CDC42BPG: variants seen among roughly 807,000 people sequenced by gnomAD.
CDC42BPG encodes serine/threonine-protein kinase MRCK gamma.
Under a neutral mutation model 192.2 loss-of-function variants are expected in CDC42BPG, and 157 were observed. That is an observed-to-expected ratio of 0.82 (90% CI 0.72 to 0.93). The LOEUF (loss-of-function observed/expected upper bound fraction) is 0.93. CDC42BPG is among the 40% of genes least tolerant of loss of function. The pLI is 0.00. For missense variants in CDC42BPG, 1,992 were observed against 2,122.1 expected (o/e 0.94, Z 1.20); for synonymous variants, 981 against 918.5 (o/e 1.07, Z -1.23).
chr11:64,844,653 T>C lies in CDC42BPG; in HGVS notation c.-84A>G. On this transcript the variant is annotated 5_prime_UTR_variant, in exon 1 of 37. Transcript: ENST00000342711. ...CGGGCCGTCCGTCCGCCCAACCGTC[T>C]GAGGCTCTGTCCGCGCGTCCTCCCC... is the stretch of plus-strand genomic sequence containing the variant. The C allele has an allele frequency of 9.1e-7, 1 of 1,104,042 alleles. No individual in the cohort carries two copies. Among genetic ancestry groups the C allele is most frequent in the East Asian group, 3.5e-5 (1 of 28,848 alleles). The allele number at this position is 1,104,042 out of a possible 1,614,324, so 68.4% of individuals were successfully genotyped here. A position where few individuals can be genotyped will look rare whatever the true frequency, so the allele number is the denominator to read the frequency against.
chr11:64,826,448 C>T (rs759753129), intron 36 of CDC42BPG, 22 bp downstream of exon 36: 3 of 1,553,490 alleles, frequency 1.9e-6, no homozygotes, highest in Non-Finnish European at 2.6e-6. Flanking sequence ...AGGGGACGGA[C>T]AAGCCTCCCG....
intron 5 of CDC42BPG, 44 bp from the exon 6 acceptor site, chr11:64,839,615 G>T (rs539504264): frequency 1.3e-6 from 2 of 1,540,988 alleles, no homozygotes; most frequent in African/African-American, 1.4e-5. Context: ...TGACCTGTGT[G>T]TAAGTGGCCA....
Position 64,839,022 on chromosome 11 carries a change from G to T in CDC42BPG, c.876+11C>A, listed in dbSNP as rs752547452. ...TGCCCCCTCTGGAAGCCCAGAGCCT[G>T]GTGTCCAGACCTCGTGGTTCATGAT... On this transcript the variant is annotated intron_variant, in intron 7 of 36. Transcript: ENST00000342711. 1 of 1,613,440 alleles carries T rather than the reference G, an allele frequency of 6.2e-7. No homozygotes were observed. The highest frequency in any genetic ancestry group is 8.5e-7 in the Non-Finnish European group (1 of 1,179,974).
intron 30 of CDC42BPG, among the ~76,000 whole-genome samples, chr11:64,828,444 G>A (rs1355059531): frequency 6.6e-6 from 1 of 152,206 alleles, no homozygotes; most frequent in Non-Finnish European, 1.5e-5. Flanking sequence ...GATGAGAGCC[G>A]TGACACAGGT....
chr11:64,833,343 AG>A lies in CDC42BPG; in HGVS notation c.2626-8del. 2.1e-6 allele frequency: 3 copies of A among 1,420,196 alleles called. No homozygotes were observed. The highest frequency in any genetic ancestry group is 1.3e-5 in the South Asian group (1 of 76,998). 88.0% of individuals were successfully genotyped at this position (1,420,196 alleles called of 1,614,324 possible). On this transcript the variant is annotated splice_region_variant and splice_polypyrimidine_tract_variant and intron_variant, in intron 23 of 36. Coordinates refer to ENST00000342711, the MANE Select transcript of CDC42BPG (RefSeq NM_017525.3). ...GCAGCGTGTGTGAGCCGGGCTGGGG[AG>A]GGGGACAGCCATTACCCAAGGCCTC...
intron 1 of CDC42BPG, among the ~76,000 whole-genome samples, chr11:64,843,936 G>A (rs1273944008): frequency 6.6e-6 from 1 of 152,168 alleles, no homozygotes; most frequent in East Asian, 1.9e-4. Flanking sequence ...GTTTTGCAGT[G>A]CCAATGCGGT....
chr11:64,838,509 G>T, intron 8 of CDC42BPG, 145 bp downstream of exon 8: 1 of 1,155,180 alleles, frequency 8.7e-7, no homozygotes, highest in Non-Finnish European at 1.2e-6. Flanking sequence ...GGCTGGAACG[G>T]GTCAGTCTGG....
rs1942587437 is a variant in CDC42BPG, at chr11:64,829,612, G to C, written c.3826C>G (p.Leu1276Val). ...PEELPPSRGGLGEALGAVELS... is the reference protein window; with the variant it reads ...PEELPPSRGGVGEALGAVELS... ...TCCACGGCACCCAGTGCCTCACCCA[G>C]GCCCCCGCGGGATGGTGGCAGCTCC... The change falls in exon 30 of 37, where the codon CTG becomes GTG. Residue 1276 changes from leucine to valine, a missense_variant. Coordinates refer to ENST00000342711, the MANE Select transcript of CDC42BPG (RefSeq NM_017525.3). 6.2e-7 allele frequency: 1 copy of C among 1,611,702 alleles called. No individual in the cohort carries two copies. Among genetic ancestry groups the C allele is most frequent in the Non-Finnish European group, 8.5e-7 (1 of 1,179,396 alleles).
intron 5 of CDC42BPG, 60 bp downstream of exon 5, chr11:64,840,060 A>C (rs1943208812): frequency 6.6e-7 from 1 of 1,523,750 alleles, no homozygotes; most frequent in Non-Finnish European, 9.0e-7. Flanking sequence ...TCCCCAGCAC[A>C]GCTGGCAGGG....
At position 64,838,815 on chromosome 11, in the gene CDC42BPG, G is replaced by A. The variant is rs1266470723; in HGVS notation, c.964C>T (p.Arg322Trp). The change falls in exon 8 of 37, where the codon CGG (arginine) becomes TGG (tryptophan). Residue 322 changes from arginine (R) to tryptophan (W), a missense_variant. Physicochemically the swap from Arg to Trp is moderately radical, Grantham distance 101 (BLOSUM62 -3). Around this residue, in one of 2 missense-constraint regions of CDC42BPG, gnomAD observed 1,656 missense variants for 1,844.3 expected, o/e 0.90. Transcript: ENST00000342711. ...IRQLLCRQEE[R>W]LGRGGLDDFR... is the part of the protein sequence containing the mutation. ...TCATCCAGCCCACCACGGCCTAGCC[G>A]CTCTTCCTGGCGACACAGCAGCTGG... 6 of 1,612,624 alleles carry A rather than the reference G, an allele frequency of 3.7e-6. No homozygotes were observed. The highest frequency in any genetic ancestry group is 2.2e-5 in the South Asian group (2 of 91,076).
Position 64,827,177 on chromosome 11 carries a change from G to A in CDC42BPG, c.4272-10C>T, listed in dbSNP as rs774221963. 4.3e-6 allele frequency: 7 copies of A among 1,613,640 alleles called. No homozygotes were observed. The South Asian group carries it at 5.5e-5, about 13-fold the overall frequency. On this transcript the variant is annotated splice_polypyrimidine_tract_variant and intron_variant, in intron 33 of 36. Coordinates refer to ENST00000342711, the MANE Select transcript of CDC42BPG (RefSeq NM_017525.3). The stretch of plus-strand genomic sequence containing the variant: ...GTCCTTCAGCATCTCCCTGTGGGCG[G>A]AGGTGTAAGTAGTGGGTGGCGAAGC...
chr11:64,826,962 G>A lies in CDC42BPG; in HGVS notation c.4389+88C>T, dbSNP rs534917236. The A allele has an allele frequency of 1.4e-4, 163 of 1,170,912 alleles. No individual in the cohort carries two copies. The South Asian group carries it at 2.1e-3, about 15-fold the overall frequency. 72.5% of individuals were successfully genotyped at this position (1,170,912 alleles called of 1,614,324 possible). On this transcript the variant is annotated intron_variant, in intron 34 of 36. Transcript: ENST00000342711. ...CCCAGGCCTTAGGAGTAATTACAGC[G>A]GCCCGTGATTGGCTAGAGCTCACCA...
At position 64,833,585 on chromosome 11, in the gene CDC42BPG, C is replaced by T. The variant is rs772265846; in HGVS notation, c.2625+15G>A. 3 of 1,601,780 alleles carry T rather than the reference C, an allele frequency of 1.9e-6. No individual in the cohort carries two copies. The highest frequency in any genetic ancestry group is 2.2e-5 in the South Asian group (2 of 88,992). On this transcript the variant is annotated intron_variant, in intron 23 of 36. Transcript: ENST00000342711. ...GCTTGGTGCCCCCACCCTGCTTGCC[C>T]CTCTGGGCACTGACCTTAGCAGGAA...
Position 64,827,032 on chromosome 11 carries a change from T to C in CDC42BPG, c.4389+18A>G. On this transcript the variant is annotated intron_variant, in intron 34 of 36. Coordinates refer to ENST00000342711, the MANE Select transcript of CDC42BPG (RefSeq NM_017525.3). Reference sequence around the variant, plus strand: ...CAGCCTCACCAAAGTGGCTTGTGATTGGCTCCAGAGGACTAACCGGGGACT... The same window carrying C: ...CAGCCTCACCAAAGTGGCTTGTGATCGGCTCCAGAGGACTAACCGGGGACT... The C allele has an allele frequency of 1.3e-6, 2 of 1,542,740 alleles. No homozygotes were observed. Among genetic ancestry groups the C allele is most frequent in the Non-Finnish European group, 8.9e-7 (1 of 1,117,994 alleles).
At chr11:64,838,531 T>C in intron 8 of CDC42BPG, 123 bp downstream of exon 8, 1 of 1,329,962 alleles carries the variant, frequency 7.5e-7, no homozygotes, top group South Asian at 1.3e-5. Context: ...AGTCCATAAA[T>C]CATAAGCCCC....
intron 6 of CDC42BPG, 31 bp downstream of exon 6, chr11:64,839,437 GCCTTGTATCC>G (rs775079974): frequency 2.6e-5 from 16 of 607,656 alleles, no homozygotes; most frequent in Non-Finnish European, 3.7e-5. Flanking sequence ...AGCTTGGCCC[GCCTTGTATCC>G]CCTGCTCCCA....
chr11:64,831,569 T>C lies in CDC42BPG; in HGVS notation c.3240A>G (p.Thr1080=), dbSNP rs1289675152. The C allele has an allele frequency of 6.2e-7, 1 of 1,612,604 alleles. No individual in the cohort carries two copies. The highest frequency in any genetic ancestry group is 8.5e-7 in the Non-Finnish European group (1 of 1,179,896). Residue 1080 remains threonine (T), a synonymous_variant, in exon 28 of 37, where the codon ACA becomes ACG. Coordinates refer to ENST00000342711, the MANE Select transcript of CDC42BPG (RefSeq NM_017525.3). Reference sequence around the variant, plus strand: ...GCCCGTTGTCGTAAGCCTCCTTGAGTGTGTACACGGGCCGGGGTCTTGGCC... The same window carrying C: ...GCCCGTTGTCGTAAGCCTCCTTGAGCGTGTACACGGGCCGGGGTCTTGGCC... ...DARPRPRPVY[T]LKEAYDNGLP... is the part of the protein sequence containing the mutation.
intron 27 of CDC42BPG, 88 bp downstream of exon 27, chr11:64,832,340 G>A: frequency 1.5e-6 from 2 of 1,348,500 alleles, no homozygotes; most frequent in South Asian, 1.2e-5. Context: ...GGCCCAAGAG[G>A]GCAGTATGAA....
chr11:64,843,151 G>C (rs984227932), intron 1 of CDC42BPG, among the ~76,000 whole-genome samples: 4 of 152,062 alleles, frequency 2.6e-5, no homozygotes, highest in African/African-American at 9.7e-5. Flanking sequence ...CTCCCACAGG[G>C]CATGGGGGCT....
Sources: gnomAD v4.1 joint callset for allele counts (sites outside exome capture counted in the v4.1 genomes callset) on GRCh38, gnomAD v4.1.1 for gene constraint, gnomAD v4.1.1 regional missense constraint, MANE v1.5 for transcripts, NCBI Gene and HGNC (gene_info 2026-07-23, HGNC 2026-07-21) for gene names.